The following CADPS2 variants were observed in gnomAD, a reference collection of about 807,000 sequenced individuals.
The protein encoded by CADPS2 is calcium-dependent secretion activator 2.
In CADPS2, 93 loss-of-function variants were observed where a neutral mutation model predicts 172.5. The observed-to-expected ratio is 0.54, with a 90% CI of 0.46 to 0.64. The LOEUF (loss-of-function observed/expected upper bound fraction) is 0.64. CADPS2 is among the 30% of genes least tolerant of loss of function. The probability of loss-of-function intolerance (pLI) is 0.00; values close to 1 mark genes in which losing one functional copy is unlikely to be tolerated. For synonymous variants in CADPS2, 546 were observed against 555.2 expected (o/e 0.98, Z 0.23); for missense variants, 1,420 against 1,565.9 (o/e 0.91, Z 1.57).
intron 2 of CADPS2, among the ~76,000 whole-genome samples, chr7:122,668,599 C>T (rs887984315): frequency 5.9e-5 from 9 of 152,210 alleles, no homozygotes; most frequent in Admixed American, 2.0e-4. Context: ...GAGACAGTCT[C>T]AGTCAAGATA....
chr7:122,534,902 A>G (rs148261283), intron 8 of CADPS2, among the ~76,000 whole-genome samples: 148 of 152,254 alleles, frequency 9.7e-4, no homozygotes, highest in African/African-American at 3.3e-3. Flanking sequence ...TAAATTATTC[A>G]AAAGTAGTAA....
chr7:122,675,266 G>A (rs2082270036), intron 2 of CADPS2, among the ~76,000 whole-genome samples: 1 of 152,148 alleles, frequency 6.6e-6, no homozygotes. Flanking sequence ...ATGCAAAGGA[G>A]CCCGGGGCTC....
At chr7:122,717,983 T>G (rs1437424536) in intron 2 of CADPS2, among the ~76,000 whole-genome samples, 1 of 81,642 alleles carries the variant, frequency 1.2e-5, no homozygotes, top group African/African-American at 6.4e-5. Context: ...GCTAATTTTT[T>G]TTTTTTTTTT....
intron 1 of CADPS2, among the ~76,000 whole-genome samples, chr7:122,800,628 T>C (rs1321706491): frequency 6.6e-6 from 1 of 152,132 alleles, no homozygotes; most frequent in African/African-American, 2.4e-5. Context: ...AACCACATTA[T>C]ATGAGGCTTC....
At chr7:122,640,986 G>T (rs1422648196) in intron 3 of CADPS2, among the ~76,000 whole-genome samples, 1 of 151,468 alleles carries the variant, frequency 6.6e-6, no homozygotes, top group Non-Finnish European at 1.5e-5. Context: ...CCGGATTTAG[G>T]CTATGAGATA....
chr7:122,444,139 T>C (rs2051786196), intron 15 of CADPS2, among the ~76,000 whole-genome samples: 1 of 152,184 alleles, frequency 6.6e-6, no homozygotes, highest in African/African-American at 2.4e-5. Context: ...CATGCTGTTG[T>C]ATATATCAAG....
intron 3 of CADPS2, among the ~76,000 whole-genome samples, chr7:122,644,001 C>T (rs760333865): frequency 2.0e-5 from 3 of 151,742 alleles, no homozygotes; most frequent in African/African-American, 7.3e-5. Flanking sequence ...AGGCATGAGG[C>T]GGAGATTGCA....
At chr7:122,738,219 C>T (rs2092284521) in intron 1 of CADPS2, among the ~76,000 whole-genome samples, 1 of 151,920 alleles carries the variant, frequency 6.6e-6, no homozygotes, top group African/African-American at 2.4e-5. Flanking sequence ...ATTTGTAGGG[C>T]CCAGTGCAAA....
chr7:122,363,138 G>C (rs554477298), intron 25 of CADPS2, among the ~76,000 whole-genome samples: 1 of 152,262 alleles, frequency 6.6e-6, no homozygotes, highest in East Asian at 1.9e-4. Context: ...AACTCAACTT[G>C]ATGTAGTTTG....
intron 28 of CADPS2, 90 bp from the exon 29 acceptor site, chr7:122,325,671 G>T (rs1333527106): frequency 1.4e-6 from 1 of 732,008 alleles, no homozygotes; most frequent in South Asian, 1.6e-5. Flanking sequence ...TAATGAGGGG[G>T]TAATAAAACA....
chr7:122,416,484 A>G (rs1039686173), intron 17 of CADPS2, among the ~76,000 whole-genome samples: 1 of 152,224 alleles, frequency 6.6e-6, no homozygotes, highest in Non-Finnish European at 1.5e-5. Flanking sequence ...CAGATACCAC[A>G]GTCTTTTCTT....
chr7:122,357,765 GC>G (rs1286846562), intron 27 of CADPS2, among the ~76,000 whole-genome samples: 1 of 152,056 alleles, frequency 6.6e-6, no homozygotes, highest in East Asian at 1.9e-4. Flanking sequence ...GCTACTTTTG[GC>G]AATATGCATT....
chr7:122,477,016 AGGAGAGGAGAGGAGAGGAGAGGAGAG>A (rs2056714628), intron 12 of CADPS2, among the ~76,000 whole-genome samples: 5 of 105,050 alleles, frequency 4.8e-5, no homozygotes, highest in African/African-American at 2.0e-4. Context: ...AGGAGAGGAG[AGGAGAGGAGAGGAGAGGAGAGGAGAG>A]GAGAGAGAGA....
intron 8 of CADPS2, among the ~76,000 whole-genome samples, chr7:122,552,376 G>A (rs6977209): frequency 0.55 from 82,916 of 151,784 alleles, 22,682 homozygotes; most frequent in Admixed American, 0.58. Flanking sequence ...TTTCTGGTCC[G>A]TGTCCTTCAG....
intron 27 of CADPS2, among the ~76,000 whole-genome samples, chr7:122,355,649 AT>A: frequency 6.6e-6 from 1 of 151,458 alleles, no homozygotes; most frequent in East Asian, 1.9e-4. Context: ...TATCCAGAAA[AT>A]TTTTTCTAGC....
rs772202578 is a variant in CADPS2, at chr7:122,513,221, G to C, written c.1542+28C>G. 8.8e-6 allele frequency: 13 copies of C among 1,478,272 alleles called. No homozygotes were observed. In the East Asian group the frequency reaches 3.2e-4, roughly 36 times the overall value. 91.6% of individuals were successfully genotyped at this position (1,478,272 alleles called of 1,614,324 possible). On this transcript the variant is annotated intron_variant, in intron 9 of 29. Coordinates refer to ENST00000449022, the MANE Select transcript of CADPS2 (RefSeq NM_017954.11). The stretch of plus-strand genomic sequence containing the variant: ...ATTTTGAGAACTGCTATCTTAGAGT[G>C]ATTATTTAACAGGAAAAAATGACTA...
At chr7:122,612,504 T>G (rs35778660) in intron 6 of CADPS2, among the ~76,000 whole-genome samples, 23,248 of 151,956 alleles carry the variant, frequency 0.15, 1,985 homozygotes, top group African/African-American at 0.23. Flanking sequence ...ACTTTTACTT[T>G]GAAAACTACA....
intron 8 of CADPS2, among the ~76,000 whole-genome samples, chr7:122,548,753 T>G (rs574620942): frequency 6.6e-6 from 1 of 152,190 alleles, no homozygotes; most frequent in Non-Finnish European, 1.5e-5. Context: ...ATGCTCTTTA[T>G]TTTTAGAACC....
chr7:122,774,013 C>CA (rs771538230), intron 1 of CADPS2, among the ~76,000 whole-genome samples: 3 of 151,448 alleles, frequency 2.0e-5, no homozygotes, highest in Admixed American at 6.6e-5. Context: ...TAATAGGCTA[C>CA]AAAAAAATGA....
Sources: gnomAD v4.1 joint callset for allele counts (sites outside exome capture counted in the v4.1 genomes callset) on GRCh38, gnomAD v4.1.1 for gene constraint, MANE v1.5 for transcripts, NCBI Gene and HGNC (gene_info 2026-07-23, HGNC 2026-07-21) for gene names.